The following GANC variants were observed in gnomAD, a reference collection of about 807,000 sequenced individuals.
The protein encoded by GANC is glucosidase alpha, neutral C.
GANC carries 117 observed loss-of-function variants against 124.2 expected under a neutral mutation model. The ratio of observed to expected loss-of-function variants is 0.94; its 90% confidence interval spans 0.81 to 1.10. The LOEUF (loss-of-function observed/expected upper bound fraction) is 1.10. GANC is among the 50% of genes least tolerant of loss of function. The probability of loss-of-function intolerance (pLI) is 0.00; values close to 1 mark genes in which losing one functional copy is unlikely to be tolerated. For missense variants in GANC, 1,140 were observed against 1,095.0 expected, an observed-to-expected ratio of 1.04 and a Z score of -0.58; for synonymous variants, 377 against 376.8, an observed-to-expected ratio of 1.00 and a Z score of -0.01.
At chr15:42,314,185 T>C in intron 10 of GANC, 2 of 760,624 alleles carry the variant, frequency 2.6e-6, no homozygotes, top group Admixed American at 1.7e-5. Context: ...TTGGACAAGT[T>C]GGCCAGAAAA....
intron 3 of GANC, among the ~76,000 whole-genome samples, chr15:42,278,864 G>A (rs2051703252): frequency 6.6e-6 from 1 of 152,098 alleles, no homozygotes; most frequent in Non-Finnish European, 1.5e-5. Context: ...GCACAGTGGT[G>A]TATGCCTGTA....
intron 11 of GANC, 117 bp downstream of exon 11, chr15:42,322,137 G>A (rs967986536): frequency 1.3e-6 from 1 of 785,646 alleles, no homozygotes; most frequent in African/African-American, 1.8e-5. Context: ...TGTGAAAATA[G>A]TAGATTCAAA....
rs141535991 is a variant in GANC at position 42,303,189 on chromosome 15, G to A, written c.559-3357G>A. ...AAGCCCTACAAGCCAGAAGAGAGTG[G>A]GGGCCAATATTCAACATTCTTAAAG... On this transcript the variant is annotated intron_variant, in intron 6 of 23. Coordinates refer to ENST00000318010, the MANE Select transcript of GANC (RefSeq NM_198141.3). 6.3e-3 allele frequency among the ~76,000 whole-genome samples: 964 copies of A among 152,232 alleles called. 9 individuals are homozygous for A. Among genetic ancestry groups the A allele is most frequent in the African/African-American group, 0.023 (935 of 41,526 alleles).
rs8043515 is a variant in GANC, at chr15:42,276,349, C to A, written c.31C>A (p.Leu11Ile). Residue 11 changes from leucine to isoleucine, a missense_variant and splice_region_variant, in exon 2 of 24, where the codon CTT becomes ATT. By Grantham distance (5) the Leu-to-Ile change is conservative. Transcript: ENST00000318010. ...TTCTCAAAATGTCTTTTTATTTAGT[C>A]TTGAAGATGAAGCTGTAGATAAAAA... MEAAVKEEIS[L>I]EDEAVDKNIF... The A allele has an allele frequency of 2.0e-5, 28 of 1,411,266 alleles. No individual in the cohort carries two copies. In the South Asian group the frequency reaches 2.5e-4, roughly 13 times the overall value. 87.4% of individuals were successfully genotyped at this position (1,411,266 alleles called of 1,614,324 possible).
chr15:42,349,410 G>A lies in GANC; in HGVS notation c.2446G>A (p.Asp816Asn). The A allele has an allele frequency of 6.2e-7, 1 of 1,612,858 alleles. No homozygotes were observed. The highest frequency in any genetic ancestry group is 8.5e-7 in the Non-Finnish European group (1 of 1,178,902). The change falls in exon 22 of 24, where the codon GAT (aspartate) becomes AAT (asparagine). Residue 816 changes from aspartate (D) to asparagine (N), a missense_variant. Transcript: ENST00000318010. ...KGSSVGELYL[D>N]DGHSFQYLHQ... Reference sequence around the variant, plus strand: ...TTCTTCAGTGGGTGAGTTATATCTTGATGATGGCCATTCATTCCAATACCT... The same window carrying A: ...TTCTTCAGTGGGTGAGTTATATCTTAATGATGGCCATTCATTCCAATACCT...
At chr15:42,287,587 C>A in intron 3 of GANC, 104 bp from the exon 4 acceptor site, 1 of 1,235,732 alleles carries the variant, frequency 8.1e-7, no homozygotes, top group Non-Finnish European at 1.1e-6. Flanking sequence ...ATTTGCTTGG[C>A]CTATCATAAT....
chr15:42,280,362 A>G (rs2051719631), intron 3 of GANC, among the ~76,000 whole-genome samples: 1 of 152,048 alleles, frequency 6.6e-6, no homozygotes, highest in Non-Finnish European at 1.5e-5. Context: ...TATGTTTTTT[A>G]TATATCCTTT....
chr15:42,317,943 C>G (rs548224452), intron 10 of GANC, among the ~76,000 whole-genome samples: 2 of 152,354 alleles, frequency 1.3e-5, no homozygotes, highest in African/African-American at 4.8e-5. Context: ...GAGGGTTTAG[C>G]TCAATCATAT....
chr15:42,349,711 G>A (rs973033619), intron 22 of GANC, among the ~76,000 whole-genome samples: 28 of 151,692 alleles, frequency 1.8e-4, no homozygotes, highest in African/African-American at 6.8e-4. Flanking sequence ...GCAGTGGCGT[G>A]ATCTCAGCTC....
chr15:42,296,536 G>A (rs566210396), intron 5 of GANC, among the ~76,000 whole-genome samples: 1 of 152,194 alleles, frequency 6.6e-6, no homozygotes, highest in South Asian at 2.1e-4. Context: ...GTGATTACAG[G>A]TGCCCACCAC....
At position 42,297,649 on chromosome 15, in the gene GANC, C is replaced by T. The variant is rs139934894; in HGVS notation, c.551C>T (p.Thr184Ile). The T allele has an allele frequency of 2.5e-6, 4 of 1,607,268 alleles. No individual in the cohort carries two copies. The highest frequency in any genetic ancestry group is 1.7e-5 in the Admixed American group (1 of 59,694). The change falls in exon 6 of 24, where the codon ACC becomes ATC. Residue 184 changes from threonine (T) to isoleucine (I), a missense_variant. Transcript: ENST00000318010. ...AATGAGGAGGAGACATCAGTGGACA[C>T]CTCTCAGGTAATCTAGATTGATCCA... ...KENEEETSVD[T>I]SQENQEDLGL...
chr15:42,307,161 T>C (rs139451493), intron 7 of GANC, among the ~76,000 whole-genome samples: 1 of 152,190 alleles, frequency 6.6e-6, no homozygotes, highest in African/African-American at 2.4e-5. Context: ...CACTTTCCTC[T>C]TTCCTCCTCC....
At chr15:42,311,912 A>C (rs576140382) in intron 10 of GANC, among the ~76,000 whole-genome samples, 1 of 152,334 alleles carries the variant, frequency 6.6e-6, no homozygotes, top group South Asian at 2.1e-4. Context: ...AATTTAAGAA[A>C]ACAGTTCCAT....
intron 3 of GANC, among the ~76,000 whole-genome samples, chr15:42,286,912 G>A (rs8031315): frequency 0.72 from 109,569 of 152,102 alleles, 42,270 homozygotes; most frequent in Non-Finnish European, 0.86. Context: ...ATTGACTAGT[G>A]TGGCATGGCC....
chr15:42,292,176 G>A (rs1169669775), intron 4 of GANC, among the ~76,000 whole-genome samples: 1 of 152,042 alleles, frequency 6.6e-6, no homozygotes, highest in African/African-American at 2.4e-5. Context: ...CAATAAATAG[G>A]TAAATAAAAA....
At chr15:42,305,967 T>G (rs541984972) in intron 6 of GANC, among the ~76,000 whole-genome samples, 176 of 151,016 alleles carry the variant, frequency 1.2e-3, no homozygotes, top group Middle Eastern at 3.6e-3. Flanking sequence ...AGGGGAGAGA[T>G]AGCATTAGGA....
At chr15:42,303,786 A>G (rs1460009191) in intron 6 of GANC, among the ~76,000 whole-genome samples, 3 of 152,212 alleles carry the variant, frequency 2.0e-5, no homozygotes, top group Non-Finnish European at 4.4e-5. Flanking sequence ...AAAGGGATCA[A>G]TGCAACAAGA....
At chr15:42,350,636 T>G (rs2052422651) in intron 22 of GANC, among the ~76,000 whole-genome samples, 1 of 142,432 alleles carries the variant, frequency 7.0e-6, no homozygotes, top group African/African-American at 2.7e-5. Context: ...CACTGCAACC[T>G]CAGCCTCCCG....
intron 6 of GANC, among the ~76,000 whole-genome samples, chr15:42,301,574 C>G (rs1235686631): frequency 6.6e-6 from 1 of 152,124 alleles, no homozygotes; most frequent in African/African-American, 2.4e-5. Flanking sequence ...ATCCCACCCC[C>G]ACAGAACCCA....
Sources: allele counts gnomAD v4.1 joint callset (sites outside exome capture counted in the v4.1 genomes callset), GRCh38; gene constraint gnomAD v4.1.1; transcripts MANE v1.5; gene names NCBI Gene and HGNC (gene_info 2026-07-23, HGNC 2026-07-21).